Variants in SLC22A23 observed in about 807,000 individuals in gnomAD.
SLC22A23 encodes solute carrier family 22 member 23, also known as ion transporter protein.
A neutral mutation model predicts 61.0 loss-of-function variants in SLC22A23; 26 were observed. The observed-to-expected ratio is 0.43, with a 90% confidence interval of 0.31 to 0.59. The LOEUF is 0.59. SLC22A23 is among the 20% of genes least tolerant of loss of function. SLC22A23 has a pLI of 0.11. For missense variants in SLC22A23, 796 were observed against 934.7 expected, an observed-to-expected ratio of 0.85 and a Z score of 1.94; for synonymous variants, 430 against 413.9, an observed-to-expected ratio of 1.04 and a Z score of -0.47.
intron 1 of SLC22A23, among the ~76,000 whole-genome samples, chr6:3,446,698 C>A (rs570378085): frequency 2.2e-4 from 34 of 152,238 alleles, no homozygotes; most frequent in Non-Finnish European, 4.7e-4. Context: ...CAGTTTCCTC[C>A]AGAACCTCTG....
At chr6:3,294,125 C>G (rs1760865052) in intron 5 of SLC22A23, among the ~76,000 whole-genome samples, 1 of 152,146 alleles carries the variant, frequency 6.6e-6, no homozygotes, top group African/African-American at 2.4e-5. Context: ...CACTGCTCAG[C>G]CTCTTTGGGC....
intron 3 of SLC22A23, among the ~76,000 whole-genome samples, chr6:3,379,251 C>A (rs1561938671): frequency 6.6e-6 from 1 of 152,172 alleles, no homozygotes; most frequent in Non-Finnish European, 1.5e-5. Flanking sequence ...TCGGCTTCCC[C>A]CAATAAACAT....
intron 1 of SLC22A23, among the ~76,000 whole-genome samples, chr6:3,445,669 T>C (rs1274194822): frequency 2.0e-5 from 3 of 152,094 alleles, no homozygotes; most frequent in African/African-American, 7.2e-5. Context: ...AGATGGAGAC[T>C]GAGCTGACCT....
chr6:3,429,305 T>G (rs1469857458), intron 1 of SLC22A23, among the ~76,000 whole-genome samples: 1 of 152,192 alleles, frequency 6.6e-6, no homozygotes, highest in Non-Finnish European at 1.5e-5. Flanking sequence ...TCTCAAGAGT[T>G]TATAACTGCT....
At chr6:3,280,792 G>A (rs1340783041) in intron 9 of SLC22A23, among the ~76,000 whole-genome samples, 2 of 152,214 alleles carry the variant, frequency 1.3e-5, no homozygotes, top group South Asian at 2.1e-4. Flanking sequence ...CACCGTGCCC[G>A]GCCTTTAAGA....
At chr6:3,436,121 C>T (rs1771191909) in intron 1 of SLC22A23, among the ~76,000 whole-genome samples, 1 of 152,042 alleles carries the variant, frequency 6.6e-6, no homozygotes, top group African/African-American at 2.4e-5. Context: ...AGATTGCAGC[C>T]CGTCCTGTCT....
chr6:3,398,133 G>A (rs527313885), intron 3 of SLC22A23, among the ~76,000 whole-genome samples: 6 of 152,254 alleles, frequency 3.9e-5, no homozygotes, highest in Admixed American at 2.6e-4. Flanking sequence ...ATGCCAGTTC[G>A]ACATATTAAA....
At position 3,273,219 on chromosome 6, in the gene SLC22A23, C is replaced by G; in HGVS notation, c.1897G>C (p.Gly633Arg). The G allele has an allele frequency of 6.2e-7, 1 of 1,613,080 alleles. No individual in the cohort carries two copies. The highest frequency in any genetic ancestry group is 8.5e-7 in the Non-Finnish European group (1 of 1,179,428). ...DQNLPENISNGEHYTRQPLLP... is the reference protein window; with the variant it reads ...DQNLPENISNREHYTRQPLLP... ...AGCGGCTGGCGCGTGTAGTGCTCCCCGTTAGAAATGTTCTCAGGCAGGTTC... is the reference window on the plus strand; with the variant it reads ...AGCGGCTGGCGCGTGTAGTGCTCCCGGTTAGAAATGTTCTCAGGCAGGTTC... The change falls in exon 10 of 10, where the codon GGG (glycine) becomes CGG (arginine). Residue 633 changes from glycine (G) to arginine (R), a missense_variant. Transcript: ENST00000406686.
chr6:3,290,870 G>A (rs1454511103), intron 5 of SLC22A23: 1 of 152,236 alleles, frequency 6.6e-6, no homozygotes, highest in Middle Eastern at 3.2e-3. Context: ...AGAAAAGGGA[G>A]ACTTCCCGAA....
intron 6 of SLC22A23, among the ~76,000 whole-genome samples, chr6:3,288,068 C>T (rs747399613): frequency 4.6e-5 from 7 of 152,166 alleles, no homozygotes; most frequent in Non-Finnish European, 1.0e-4. Flanking sequence ...AGCGTATCAA[C>T]CTGCTGGAAA....
Position 3,450,966 on chromosome 6 carries a change from T to G in SLC22A23, c.654+4940A>C, listed in dbSNP as rs190657086. On this transcript the variant is annotated intron_variant, in intron 1 of 9. Coordinates refer to ENST00000406686, the MANE Select transcript of SLC22A23 (RefSeq NM_015482.2). The stretch of plus-strand genomic sequence containing the variant: ...AAAGGATACAAATTACTTCCCAGGA[T>G]ATTTAAGCAACTTTCAGGATAAAGG... Among the ~76,000 whole-genome samples the G allele has an allele frequency of 9.8e-5, 15 of 152,360 alleles. No homozygotes were observed. The East Asian group carries it at 2.7e-3, about 27-fold the overall frequency.
At chr6:3,307,968 A>G (rs1425182905) in intron 4 of SLC22A23, among the ~76,000 whole-genome samples, 1 of 152,186 alleles carries the variant, frequency 6.6e-6, no homozygotes, top group African/African-American at 2.4e-5. Flanking sequence ...CTGTGCAATA[A>G]GCCAGCTGCC....
intron 3 of SLC22A23, among the ~76,000 whole-genome samples, chr6:3,332,023 C>T (rs759866110): frequency 1.1e-4 from 16 of 152,178 alleles, no homozygotes; most frequent in Admixed American, 2.0e-4. Flanking sequence ...CAAAATCATA[C>T]GCAGTGAGTG....
intron 3 of SLC22A23, among the ~76,000 whole-genome samples, chr6:3,367,140 C>A (rs866618863): frequency 6.6e-6 from 1 of 152,186 alleles, no homozygotes; most frequent in African/African-American, 2.4e-5. Flanking sequence ...AAAGGAAATG[C>A]GAAATGCTCT....
At position 3,457,001 on chromosome 6, in the gene SLC22A23, T is replaced by G. The variant is rs1220680698; in HGVS notation, c.-442A>C. The G allele has an allele frequency of 2.0e-5, 3 of 151,714 alleles. No individual in the cohort carries two copies. The highest frequency in any genetic ancestry group is 4.4e-5 in the Non-Finnish European group (3 of 67,762). The allele number at this position is 151,714 out of a possible 1,614,324, so 9.4% of individuals were successfully genotyped here. On this transcript the variant is annotated 5_prime_UTR_variant, in exon 1 of 10. Transcript: ENST00000406686. Reference sequence around the variant, plus strand: ...TGCTCCCGGGGTGGCCGCGCTGTATTTCTCCGACTTCGGGCGCCTCCCGGA... The same window carrying G: ...TGCTCCCGGGGTGGCCGCGCTGTATGTCTCCGACTTCGGGCGCCTCCCGGA...
At position 3,322,663 on chromosome 6, in the gene SLC22A23, C is replaced by T. The variant is rs897411838; in HGVS notation, c.1082+1171G>A. Among the ~76,000 whole-genome samples the T allele has an allele frequency of 3.9e-5, 6 of 152,154 alleles. No individual in the cohort carries two copies. Among genetic ancestry groups the T allele is most frequent in the East Asian group, 1.9e-4 (1 of 5,190 alleles). On this transcript the variant is annotated intron_variant, in intron 4 of 9. Transcript: ENST00000406686. This position sits in a 1 kb window ranked among gnomAD's most constrained non-coding sequence, Gnocchi z 4.1. ...ACACAGTGAGCAAGAACCAGGCTCT[C>T]GGGGAAACCGCACCTGCACCCTCGC...
chr6:3,320,503 G>T (rs1762887495), intron 4 of SLC22A23, among the ~76,000 whole-genome samples: 1 of 152,198 alleles, frequency 6.6e-6, no homozygotes, highest in East Asian at 1.9e-4. Flanking sequence ...GCACCCTGGT[G>T]CATGCAATAA....
chr6:3,435,647 C>T (rs1771159329), intron 1 of SLC22A23, among the ~76,000 whole-genome samples: 1 of 152,198 alleles, frequency 6.6e-6, no homozygotes, highest in Non-Finnish European at 1.5e-5. Context: ...TCAGCCCATG[C>T]TCCAGAGATG....
intron 1 of SLC22A23, chr6:3,444,935 AGAC>A: frequency 1.0e-6 from 1 of 985,512 alleles, no homozygotes; most frequent in Non-Finnish European, 1.2e-6. Context: ...AGTGCTTCTC[AGAC>A]GACTCATCCC....
Sources: gnomAD v4.1 joint callset for allele counts (sites outside exome capture counted in the v4.1 genomes callset) on GRCh38, gnomAD v4.1.1 for gene constraint, Gnocchi (gnomAD v3.1) non-coding constraint, MANE v1.5 for transcripts, NCBI Gene and HGNC (gene_info 2026-07-23, HGNC 2026-07-21) for gene names.